Variants in LRRC4C observed in about 807,000 individuals in gnomAD.
The protein encoded by LRRC4C is leucine-rich repeat-containing protein 4C.
A neutral mutation model predicts 33.6 loss-of-function variants in LRRC4C; 5 were observed. The observed-to-expected ratio is 0.15, with a 90% confidence interval of 0.08 to 0.31. The LOEUF is 0.31. Among genes scored for constraint, LRRC4C ranks in the 10% least tolerant of loss-of-function variants. The probability of loss-of-function intolerance (pLI) is 1.00; values close to 1 mark genes in which losing one functional copy is unlikely to be tolerated. For missense variants in LRRC4C, 560 were observed against 796.7 expected (o/e 0.70, Z 3.58); for synonymous variants, 329 against 302.0 (o/e 1.09, Z -0.93).
At chr11:40,230,707 G>A (rs1211090227) in intron 5 of LRRC4C, among the ~76,000 whole-genome samples, 2 of 152,312 alleles carry the variant, frequency 1.3e-5, no homozygotes, top group South Asian at 2.1e-4. Flanking sequence ...GTAAGAGAAA[G>A]TGATAGCAAT....
At chr11:41,337,191 T>A (rs1831538618) in intron 1 of LRRC4C, among the ~76,000 whole-genome samples, 1 of 152,038 alleles carries the variant, frequency 6.6e-6, no homozygotes, top group African/African-American at 2.4e-5. Flanking sequence ...ACCACAGGTA[T>A]GTGCTACCAT....
intron 3 of LRRC4C, chr11:40,446,489 C>T (rs905505044): frequency 1.3e-5 from 2 of 152,128 alleles, no homozygotes; most frequent in Admixed American, 1.3e-4. Context: ...TGTGTGATTG[C>T]AATTTGCCAC....
intron 1 of LRRC4C, among the ~76,000 whole-genome samples, chr11:41,006,251 C>T (rs1247459429): frequency 6.6e-6 from 1 of 152,110 alleles, no homozygotes; most frequent in African/African-American, 2.4e-5. Context: ...CTTCTGATTG[C>T]TTCAGTTTTA....
chr11:40,366,803 T>C (rs1394591192), intron 3 of LRRC4C, among the ~76,000 whole-genome samples: 1 of 152,086 alleles, frequency 6.6e-6, no homozygotes, highest in African/African-American at 2.4e-5. Context: ...GTGCAAATAC[T>C]GCAGCTAACA....
intron 1 of LRRC4C, among the ~76,000 whole-genome samples, chr11:41,447,977 G>A (rs1199164365): frequency 6.6e-6 from 1 of 151,892 alleles, no homozygotes; most frequent in Non-Finnish European, 1.5e-5. Flanking sequence ...TATCAGCTTG[G>A]CTTAATAGTC....
chr11:40,881,530 T>C (rs914000747), intron 2 of LRRC4C, among the ~76,000 whole-genome samples: 4 of 152,142 alleles, frequency 2.6e-5, no homozygotes, highest in Non-Finnish European at 4.4e-5. Flanking sequence ...TTACTGTTCC[T>C]GTGATTTATA....
At chr11:41,259,267 A>C (rs138479744) in intron 1 of LRRC4C, among the ~76,000 whole-genome samples, 1 of 152,046 alleles carries the variant, frequency 6.6e-6, no homozygotes, top group Admixed American at 6.6e-5. Flanking sequence ...TCTCTCTTCT[A>C]GTATTTTGTG....
intron 2 of LRRC4C, among the ~76,000 whole-genome samples, chr11:40,859,641 T>A (rs987041891): frequency 2.6e-5 from 4 of 151,894 alleles, no homozygotes; most frequent in East Asian, 3.9e-4. Context: ...AGAAAAAAAA[T>A]TTGTACTCAA....
At chr11:41,011,675 T>C (rs1019276174) in intron 1 of LRRC4C, among the ~76,000 whole-genome samples, 5 of 151,776 alleles carry the variant, frequency 3.3e-5, no homozygotes, top group South Asian at 2.1e-4. Flanking sequence ...CCCTGAGACA[T>C]AGTGAGTGAA....
At chr11:40,139,487 T>G (rs1015539297) in intron 6 of LRRC4C, among the ~76,000 whole-genome samples, 2 of 152,106 alleles carry the variant, frequency 1.3e-5, no homozygotes, top group Non-Finnish European at 2.9e-5. Context: ...TGCATGTGAA[T>G]AAAATGCATC....
At chr11:40,279,977 C>T (rs1353284927) in intron 4 of LRRC4C, among the ~76,000 whole-genome samples, 5 of 152,128 alleles carry the variant, frequency 3.3e-5, no homozygotes, top group South Asian at 2.1e-4. Flanking sequence ...ATGATTTACT[C>T]GGCCCTGAAC....
At chr11:40,393,809 A>G (rs1328719726) in intron 3 of LRRC4C, among the ~76,000 whole-genome samples, 1 of 152,150 alleles carries the variant, frequency 6.6e-6, no homozygotes, top group Non-Finnish European at 1.5e-5. Flanking sequence ...CCTAAAACAA[A>G]GTTTCCAGAA....
At chr11:40,763,973 A>T (rs1442365150) in intron 2 of LRRC4C, among the ~76,000 whole-genome samples, 1 of 152,192 alleles carries the variant, frequency 6.6e-6, no homozygotes, top group Non-Finnish European at 1.5e-5. Flanking sequence ...GTGAGACACA[A>T]GCTGGGGTAG....
At chr11:40,579,505 C>T (rs1423214332) in intron 3 of LRRC4C, among the ~76,000 whole-genome samples, 1 of 152,006 alleles carries the variant, frequency 6.6e-6, no homozygotes, top group Admixed American at 6.6e-5. Context: ...TAATTATATA[C>T]TATAAACTAC....
chr11:40,877,816 T>C (rs940843710), intron 2 of LRRC4C, among the ~76,000 whole-genome samples: 1 of 152,220 alleles, frequency 6.6e-6, no homozygotes. Context: ...TGCAGGGTGC[T>C]TGCTCTCCAT....
chr11:40,234,113 A>G (rs1193544083), intron 5 of LRRC4C, among the ~76,000 whole-genome samples: 1 of 152,218 alleles, frequency 6.6e-6, no homozygotes, highest in African/African-American at 2.4e-5. Flanking sequence ...ATCTGGAAGC[A>G]GCTCTTTTTA....
At chr11:40,919,560 T>C (rs1957092783) in intron 2 of LRRC4C, among the ~76,000 whole-genome samples, 1 of 152,132 alleles carries the variant, frequency 6.6e-6, no homozygotes, top group Admixed American at 6.6e-5. Flanking sequence ...TTCCAGCGTA[T>C]TCTGTGATTA....
chr11:41,192,977 GA>G (rs1176019346), intron 1 of LRRC4C, among the ~76,000 whole-genome samples: 4 of 152,036 alleles, frequency 2.6e-5, no homozygotes, highest in Non-Finnish European at 4.4e-5. Context: ...ACCTACTCTG[GA>G]AAAAAATGCC....
chr11:40,277,305 T>C (rs1710681996), intron 4 of LRRC4C, among the ~76,000 whole-genome samples: 1 of 152,126 alleles, frequency 6.6e-6, no homozygotes, highest in African/African-American at 2.4e-5. Flanking sequence ...GGTTTATTTG[T>C]GGCAATCTCA....
Sources: gnomAD v4.1 joint callset for allele counts (sites outside exome capture counted in the v4.1 genomes callset) on GRCh38, gnomAD v4.1.1 for gene constraint, MANE v1.5 for transcripts, NCBI Gene and HGNC (gene_info 2026-07-23, HGNC 2026-07-21) for gene names.